The following LLGL1 variants were observed in gnomAD, a reference collection of about 807,000 sequenced individuals.
LLGL1 encodes lethal(2) giant larvae protein homolog 1.
In LLGL1, 58 loss-of-function variants were observed where a neutral mutation model predicts 110.6. That is an observed-to-expected ratio of 0.52 (90% confidence interval 0.42 to 0.65). The LOEUF (loss-of-function observed/expected upper bound fraction) is 0.65, where lower values mean the gene tolerates loss of function less well. Ranked by LOEUF, LLGL1 falls within the 30% of genes least tolerant of loss-of-function variation. The pLI is 0.00. For synonymous variants in LLGL1, 674 were observed against 607.2 expected, an observed-to-expected ratio of 1.11 and a Z score of -1.62; for missense variants, 1,229 against 1,462.1, an observed-to-expected ratio of 0.84 and a Z score of 2.60.
intron 13 of LLGL1, chr17:18,237,257 G>A (rs2047713697): frequency 1.7e-6 from 1 of 603,008 alleles, no homozygotes; most frequent in Admixed American, 3.0e-5. Context: ...TGCCCTCAGA[G>A]GGCAGGGACT....
At position 18,236,750 on chromosome 17, in the gene LLGL1, C is replaced by A; in HGVS notation, c.1496C>A (p.Pro499His). Residue 499 changes from proline to histidine, a missense_variant, in exon 12 of 23, where the codon CCC (proline) becomes CAC (histidine). Transcript: ENST00000316843. ...CAGGCTGCCGAGGACGACTGGCCACCCTTCCGCAAGGTGGGCCCCTCCCCT... is the reference window on the plus strand; with the variant it reads ...CAGGCTGCCGAGGACGACTGGCCACACTTCCGCAAGGTGGGCCCCTCCCCT... ...LAQAAEDDWP[P>H]FRKVGCFDPY... The A allele has an allele frequency of 6.2e-7, 1 of 1,612,754 alleles. No individual in the cohort carries two copies. The highest frequency in any genetic ancestry group is 8.5e-7 in the Non-Finnish European group (1 of 1,179,974).
At position 18,240,429 on chromosome 17, in the gene LLGL1, C is replaced by A; in HGVS notation, c.2207-149C>A. On this transcript the variant is annotated intron_variant, in intron 16 of 22. Transcript: ENST00000316843. The surrounding 1 kb of genome is among the most constrained non-coding windows in gnomAD (Gnocchi z 5.3). ...TGGAGGTCACCAGGGAGGCATGGGG[C>A]AGGAGGGAATCAGCCCTGAGTCCCA... is the stretch of plus-strand genomic sequence containing the variant. 2.1e-6 allele frequency: 2 copies of A among 957,458 alleles called. No individual in the cohort carries two copies. Among genetic ancestry groups the A allele is most frequent in the Non-Finnish European group, 3.1e-6 (2 of 648,698 alleles). 59.3% of individuals were successfully genotyped at this position (957,458 alleles called of 1,614,324 possible). A position where few individuals can be genotyped will look rare whatever the true frequency, so the allele number is the denominator to read the frequency against.
intron 13 of LLGL1, 74 bp from the exon 14 acceptor site, chr17:18,237,407 G>A: frequency 7.1e-7 from 1 of 1,415,022 alleles, no homozygotes; most frequent in South Asian, 1.5e-5. Context: ...CTGCTTCAGA[G>A]GCTCCAGGCT....
intron 1 of LLGL1, among the ~76,000 whole-genome samples, chr17:18,229,263 C>T (rs1030389695): frequency 1.3e-5 from 2 of 152,032 alleles, no homozygotes; most frequent in Admixed American, 1.3e-4. Context: ...GGCACACAGA[C>T]CCCCTTAACA....
intron 1 of LLGL1, among the ~76,000 whole-genome samples, chr17:18,226,126 G>T (rs2047435477): frequency 6.6e-6 from 1 of 152,082 alleles, no homozygotes; most frequent in Non-Finnish European, 1.5e-5. Context: ...AGTTGTGCCT[G>T]TGTGTGTGGT....
rs1396060229 is a variant in LLGL1, at chr17:18,236,613, G to T, written c.1359G>T (p.Glu453Asp). 1.9e-6 allele frequency: 3 copies of T among 1,611,372 alleles called. No homozygotes were observed. Among genetic ancestry groups the T allele is most frequent in the Non-Finnish European group, 1.7e-6 (2 of 1,178,900 alleles). The change falls in exon 12 of 23, where the codon GAG becomes GAT. Residue 453 changes from glutamate (E) to aspartate (D), a missense_variant. Transcript: ENST00000316843. ...SQRGLLLTGH[E>D]DGTVRFWDAS... ...ACATCTGCCCTCCCTGCAGCCATGA[G>T]GACGGCACCGTGAGGTTCTGGGATG...
rs377588818 is a variant in LLGL1 at position 18,238,085 on chromosome 17, T to C, written c.1923T>C (p.Asn641=). The part of the protein sequence containing the change: ...PVLARCTLHP[N]DSLAMEGPLS... ...CCCCCAGGTGCACTCTTCACCCCAA[T>C]GACTCCCTGGCCATGGAGGGTCCGC... The change falls in exon 15 of 23, where the codon AAT becomes AAC. Residue 641 remains asparagine (N), a synonymous_variant. Coordinates refer to ENST00000316843, the MANE Select transcript of LLGL1 (RefSeq NM_004140.4). The C allele has an allele frequency of 5.6e-6, 9 of 1,613,672 alleles. 1 individual carries two copies. In the African/African-American group the frequency reaches 8.0e-5, roughly 14 times the overall value.
rs372102209 is a variant in LLGL1 at position 18,229,938 on chromosome 17, C to T, written c.82-3C>T. 12 of 1,604,576 alleles carry T rather than the reference C, an allele frequency of 7.5e-6. No homozygotes were observed. In the South Asian group the frequency reaches 8.9e-5, roughly 12 times the overall value. ...ACCCCCAGCAGCCCTCCCCTCCTTG[C>T]AGACTGTGGAGCATGGCTTCCCCAA... On this transcript the variant is annotated splice_region_variant and splice_polypyrimidine_tract_variant and intron_variant, in intron 1 of 22. Coordinates refer to ENST00000316843, the MANE Select transcript of LLGL1 (RefSeq NM_004140.4).
At position 18,235,195 on chromosome 17, in the gene LLGL1, G is replaced by C. The variant is rs959965269; in HGVS notation, c.1167G>C (p.Pro389=). The change falls in exon 10 of 23, where the codon CCG becomes CCC. Residue 389 remains proline (P), a synonymous_variant. Coordinates refer to ENST00000316843, the MANE Select transcript of LLGL1 (RefSeq NM_004140.4). ...WPAVPAPYLA[P]LHSSAITCSA... The stretch of plus-strand genomic sequence containing the variant: ...CTGTGCCTGCCCCATACCTGGCCCC[G>C]CTGCACTCCTCTGCAATCACTTGCT... 1.9e-6 allele frequency: 3 copies of C among 1,612,100 alleles called. No individual in the cohort carries two copies. Among genetic ancestry groups the C allele is most frequent in the Non-Finnish European group, 2.5e-6 (3 of 1,180,016 alleles).
Position 18,242,696 on chromosome 17 carries a change from CA to C in LLGL1, c.3117-46del, listed in dbSNP as rs2047870551. ...CCTAGGCCTCCGTCCCCAGGGCTGC[CA>C]GGGGCTCCCCCGCCCCCACCCCTGA... On this transcript the variant is annotated intron_variant, in intron 21 of 22. Transcript: ENST00000316843. 2.6e-6 allele frequency: 4 copies of C among 1,564,562 alleles called. No individual in the cohort carries two copies. The Admixed American group carries it at 7.7e-5, about 30-fold the overall frequency.
In LLGL1 at chr17:18,240,514, G is replaced by T; in HGVS notation, c.2207-64G>T. On this transcript the variant is annotated intron_variant, in intron 16 of 22. Transcript: ENST00000316843. This position sits in a 1 kb window ranked among gnomAD's most constrained non-coding sequence, Gnocchi z 5.3. Reference sequence around the variant, plus strand: ...GGCAGGGAGGGACCTGCAGTCTGTGGGAAGACCCCAGGGGAGATGCCTGGC... The same window carrying T: ...GGCAGGGAGGGACCTGCAGTCTGTGTGAAGACCCCAGGGGAGATGCCTGGC... 1 of 1,497,142 alleles carries T rather than the reference G, an allele frequency of 6.7e-7. No homozygotes were observed. The highest frequency in any genetic ancestry group is 1.3e-5 in the South Asian group (1 of 74,894). The allele number at this position is 1,497,142 out of a possible 1,614,324, so 92.7% of individuals were successfully genotyped here. A position where few individuals can be genotyped will look rare whatever the true frequency, so the allele number is the denominator to read the frequency against.
rs202009417 is a variant in LLGL1 at position 18,234,425 on chromosome 17, C to G, written c.850+17C>G. 1.1e-4 allele frequency: 182 copies of G among 1,609,872 alleles called. 1 individual carries two copies. The African/African-American group carries it at 2.0e-3, about 18-fold the overall frequency. On this transcript the variant is annotated intron_variant, in intron 7 of 22. Coordinates refer to ENST00000316843, the MANE Select transcript of LLGL1 (RefSeq NM_004140.4). ...CACCTTACGGTGAGTGCTGGGGACA[C>G]CTTAGCCAGAGGGTGGTGATGGGAG...
chr17:18,237,633 G>T lies in LLGL1; in HGVS notation c.1764G>T (p.Gln588His), dbSNP rs2047725593. The T allele has an allele frequency of 1.2e-6, 2 of 1,611,668 alleles. No individual in the cohort carries two copies. Among genetic ancestry groups the T allele is most frequent in the African/African-American group, 2.7e-5 (2 of 74,888 alleles). ...TGPLPWPAGFQPRVLVQCLPP... is the reference protein window; with the variant it reads ...TGPLPWPAGFHPRVLVQCLPP... ...CGCTGCCCTGGCCTGCTGGCTTCCA[G>T]CCCCGTGTCCTGGTGCAGTGCCTGC... Residue 588 changes from glutamine (Q) to histidine (H), a missense_variant, in exon 14 of 23, where the codon CAG (glutamine) becomes CAT (histidine). Coordinates refer to ENST00000316843, the MANE Select transcript of LLGL1 (RefSeq NM_004140.4).
In LLGL1 at chr17:18,242,195, G is replaced by A; in HGVS notation, c.2912G>A (p.Ser971Asn). 2 of 1,614,088 alleles carry A rather than the reference G, an allele frequency of 1.2e-6. No homozygotes were observed. Among genetic ancestry groups the A allele is most frequent in the South Asian group, 2.2e-5 (2 of 91,088 alleles). The change falls in exon 20 of 23, where the codon AGC (serine) becomes AAC (asparagine). Residue 971 changes from serine to asparagine, a missense_variant. By Grantham distance (46) the Ser-to-Asn change is conservative. Coordinates refer to ENST00000316843, the MANE Select transcript of LLGL1 (RefSeq NM_004140.4). Reference sequence around the variant, plus strand: ...AGGATCCGAGAGTCACCCAAGCTGAGCCAGGCTAACGGGACCCCAAGCATC... The same window carrying A: ...AGGATCCGAGAGTCACCCAAGCTGAACCAGGCTAACGGGACCCCAAGCATC... ...SYRIRESPKL[S>N]QANGTPSILL...
rs1287886336 is a variant in LLGL1, at chr17:18,244,733, GGCA to G, written c.*829_*831del. ...GTGTGTGTGTCCGGCGGGGGGGGGGGGCAGGGGGGGGGGTCAAGATGAGTTTCC... is the reference window on the plus strand; with the variant it reads ...GTGTGTGTGTCCGGCGGGGGGGGGGGGGGGGGGGGGTCAAGATGAGTTTCC... On this transcript the variant is annotated 3_prime_UTR_variant, in exon 23 of 23. Transcript: ENST00000316843. 206 of 52,812 alleles carry G rather than the reference GGCA, an allele frequency of 3.9e-3. 25 individuals carry two copies. The highest frequency in any genetic ancestry group is 0.032 in the Admixed American group (172 of 5,330). 3.3% of individuals were successfully genotyped at this position (52,812 alleles called of 1,614,324 possible). A position where few individuals can be genotyped will look rare whatever the true frequency, so the allele number is the denominator to read the frequency against.
rs1360671230 is a variant in LLGL1, at chr17:18,236,943, G to A, written c.1611+4G>A. ...GGTGGCTGGCACTGCAGGCCAGGTA[G>A]GGCTGGGTGTCCCCTGGGTTGGAGA... On this transcript the variant is annotated splice_donor_region_variant and intron_variant, in intron 13 of 22. Coordinates refer to ENST00000316843, the MANE Select transcript of LLGL1 (RefSeq NM_004140.4). The A allele has an allele frequency of 8.7e-6, 14 of 1,609,104 alleles. No homozygotes were observed. The highest frequency in any genetic ancestry group is 1.2e-5 in the Non-Finnish European group (14 of 1,177,224).
At chr17:18,237,916 G>A in intron 14 of LLGL1, 143 bp downstream of exon 14, 2 of 1,273,418 alleles carry the variant, frequency 1.6e-6, no homozygotes, top group South Asian at 2.9e-5. Flanking sequence ...CTCCAAGAAG[G>A]ACATTCTCAG....
chr17:18,232,347 G>T, intron 2 of LLGL1, 148 bp from the exon 3 acceptor site: 1 of 650,366 alleles, frequency 1.5e-6, no homozygotes, highest in Non-Finnish European at 2.6e-6. Flanking sequence ...TTAGGGAGGG[G>T]GCCTCCGTTC....
At chr17:18,242,856 T>C (rs2047876833) in intron 22 of LLGL1, 34 bp downstream of exon 22, 1 of 1,521,816 alleles carries the variant, frequency 6.6e-7, no homozygotes, top group African/African-American at 1.4e-5. Flanking sequence ...TCCTCACCAC[T>C]GGTGACGTCC....
Sources: allele counts gnomAD v4.1 joint callset (sites outside exome capture counted in the v4.1 genomes callset), GRCh38; gene constraint gnomAD v4.1.1; non-coding constraint Gnocchi (gnomAD v3.1); transcripts MANE v1.5; gene names NCBI Gene and HGNC (gene_info 2026-07-23, HGNC 2026-07-21).